The following CEP128 variants were observed in gnomAD, a reference collection of about 807,000 sequenced individuals.
The protein encoded by CEP128 is centrosomal protein 128.
CEP128 carries 132 observed loss-of-function variants against 156.7 expected under a neutral mutation model. The ratio of observed to expected loss-of-function variants is 0.84; its 90% CI spans 0.73 to 0.97. CEP128 has a LOEUF of 0.97. Among genes scored for constraint, CEP128 ranks in the 50% least tolerant of loss-of-function variants. The pLI is 0.00. For synonymous variants in CEP128, 469 were observed against 448.9 expected (o/e 1.04, Z -0.57); for missense variants, 1,252 against 1,281.9 (o/e 0.98, Z 0.36).
At chr14:80,887,396 A>C (rs1888859388) in intron 8 of CEP128, among the ~76,000 whole-genome samples, 1 of 152,190 alleles carries the variant, frequency 6.6e-6, no homozygotes, top group Non-Finnish European at 1.5e-5. Flanking sequence ...CTCCTCAGCA[A>C]ATGCAAAAGA....
intron 18 of CEP128, among the ~76,000 whole-genome samples, chr14:80,746,352 C>T (rs978881726): frequency 2.0e-5 from 3 of 152,104 alleles, no homozygotes; most frequent in Non-Finnish European, 4.4e-5. Flanking sequence ...TACAAAGCTA[C>T]AGTAGTCAAG....
chr14:80,937,485 G>A (rs1885873318), intron 2 of CEP128, among the ~76,000 whole-genome samples: 1 of 151,854 alleles, frequency 6.6e-6, no homozygotes, highest in African/African-American at 2.4e-5. Context: ...ATTCATCCAT[G>A]AGCACATTCA....
intron 19 of CEP128, among the ~76,000 whole-genome samples, chr14:80,678,288 C>T (rs1238071977): frequency 6.6e-6 from 1 of 151,572 alleles, no homozygotes; most frequent in African/African-American, 2.4e-5. Context: ...TCAAAAGCTA[C>T]CTTAATATAA....
At chr14:80,908,964 C>T (rs558709555) in intron 4 of CEP128, among the ~76,000 whole-genome samples, 1 of 145,560 alleles carries the variant, frequency 6.9e-6, no homozygotes, top group African/African-American at 2.6e-5. Context: ...TTGGGGTCTC[C>T]ATTAAAGCTA....
chr14:80,861,311 T>C (rs1887501543), intron 9 of CEP128, among the ~76,000 whole-genome samples: 3 of 151,950 alleles, frequency 2.0e-5, no homozygotes, highest in Admixed American at 1.3e-4. Context: ...TTTTACTTTA[T>C]AGGATAACTT....
intron 19 of CEP128, among the ~76,000 whole-genome samples, chr14:80,660,374 T>C (rs937842509): frequency 3.3e-5 from 5 of 152,178 alleles, no homozygotes; most frequent in Non-Finnish European, 7.3e-5. Flanking sequence ...TTCTGAGATA[T>C]AAATGCCATA....
intron 4 of CEP128, among the ~76,000 whole-genome samples, chr14:80,913,445 T>C (rs1398201660): frequency 6.6e-6 from 1 of 152,226 alleles, no homozygotes; most frequent in Non-Finnish European, 1.5e-5. Flanking sequence ...AAATCGCACA[T>C]ATGCTTGTAA....
chr14:80,729,020 C>A (rs1234914560), intron 19 of CEP128, among the ~76,000 whole-genome samples: 2 of 146,572 alleles, frequency 1.4e-5, no homozygotes, highest in African/African-American at 5.1e-5. Context: ...TAACTGGGAA[C>A]AGCAAGTTCT....
intron 19 of CEP128, among the ~76,000 whole-genome samples, chr14:80,740,258 C>A (rs1048641123): frequency 1.3e-5 from 2 of 151,938 alleles, no homozygotes; most frequent in African/African-American, 4.8e-5. Context: ...CAGCATTCAG[C>A]AAAACATTAA....
rs529254501 is a variant in CEP128, at chr14:80,623,515, T to A, written c.2807-43092A>T. Among the ~76,000 whole-genome samples, 919 of 151,258 alleles carry A rather than the reference T, an allele frequency of 6.1e-3. 5 individuals are homozygous for A. The highest frequency in any genetic ancestry group is 0.011 in the Non-Finnish European group (717 of 67,724). On this transcript the variant is annotated intron_variant, in intron 19 of 24. Transcript: ENST00000555265. The stretch of plus-strand genomic sequence containing the variant: ...CTGAAAACCTAAAAATAAAAAAAAA[T>A]TTAAAGCATGGTTTCAGGTTTCATC...
downstream of CEP128, among the ~76,000 whole-genome samples, chr14:80,491,838 A>C (rs1251401349): frequency 6.6e-6 from 1 of 152,198 alleles, no homozygotes; most frequent in Non-Finnish European, 1.5e-5. Flanking sequence ...CATCACATAA[A>C]GGATGAAGTG....
intron 15 of CEP128, among the ~76,000 whole-genome samples, chr14:80,780,174 G>A (rs1901030102): frequency 6.6e-6 from 1 of 152,050 alleles, no homozygotes; most frequent in Non-Finnish European, 1.5e-5. Context: ...AAATATGGAT[G>A]GCTTATCAGA....
At chr14:80,732,312 T>G (rs1898310877) in intron 19 of CEP128, among the ~76,000 whole-genome samples, 1 of 152,060 alleles carries the variant, frequency 6.6e-6, no homozygotes, top group Non-Finnish European at 1.5e-5. Flanking sequence ...GGGCTAGAGT[T>G]TACATAGAAA....
intron 21 of CEP128, among the ~76,000 whole-genome samples, chr14:80,537,323 G>C (rs186079722): frequency 1.3e-3 from 201 of 152,248 alleles, no homozygotes; most frequent in Non-Finnish European, 2.0e-3. Flanking sequence ...CCAAATGAGT[G>C]ATTTGGGTTT....
intron 19 of CEP128, among the ~76,000 whole-genome samples, chr14:80,700,986 CA>C (rs1328448303): frequency 1.3e-5 from 2 of 152,108 alleles, no homozygotes; most frequent in African/African-American, 4.8e-5. Flanking sequence ...GGGAGCAGAA[CA>C]AGATTGTTTG....
chr14:80,908,951 C>A (rs1365934448), intron 4 of CEP128, among the ~76,000 whole-genome samples: 1 of 151,450 alleles, frequency 6.6e-6, no homozygotes, highest in African/African-American at 2.4e-5. Context: ...ATACTATCAC[C>A]CTTTGGGGTC....
At chr14:80,714,664 A>G (rs941928891) in intron 19 of CEP128, among the ~76,000 whole-genome samples, 1 of 151,778 alleles carries the variant, frequency 6.6e-6, no homozygotes. Context: ...AACGGCAGCT[A>G]TATCATTTCA....
chr14:80,747,604 C>T (rs1469071216), intron 18 of CEP128, among the ~76,000 whole-genome samples: 6 of 152,118 alleles, frequency 3.9e-5, no homozygotes, highest in South Asian at 2.1e-4. Context: ...GTCAGGAGTT[C>T]GAGACCAGCC....
intron 18 of CEP128, among the ~76,000 whole-genome samples, chr14:80,747,421 A>T (rs964862523): frequency 6.6e-6 from 1 of 152,242 alleles, no homozygotes; most frequent in African/African-American, 2.4e-5. Flanking sequence ...TGAGGTCATG[A>T]TACATGCTAA....
Sources: allele counts gnomAD v4.1 joint callset (sites outside exome capture counted in the v4.1 genomes callset), GRCh38; gene constraint gnomAD v4.1.1; transcripts MANE v1.5; gene names NCBI Gene and HGNC (gene_info 2026-07-23, HGNC 2026-07-21).